The following LYST variants were observed in gnomAD, a reference collection of about 807,000 sequenced individuals.
The protein encoded by LYST is lysosomal trafficking regulator.
A neutral mutation model predicts 413.6 loss-of-function variants in LYST; 192 were observed. That is an observed-to-expected ratio of 0.46 (90% confidence interval 0.41 to 0.52). The LOEUF is 0.52. LYST is among the 20% of genes least tolerant of loss of function. LYST has a pLI of 0.00. For missense variants in LYST, 3,815 were observed against 4,499.9 expected (o/e 0.85, Z 4.35); for synonymous variants, 1,525 against 1,567.3 (o/e 0.97, Z 0.64).
rs140278034 is a variant in LYST, at chr1:235,774,426, A to G, written c.5635-435T>C. On this transcript the variant is annotated intron_variant, in intron 18 of 52. Coordinates refer to ENST00000389793, the MANE Select transcript of LYST (RefSeq NM_000081.4). The stretch of plus-strand genomic sequence containing the variant: ...CAGAGAGAAATATTTCCACAATGTT[A>G]CCAAATGCTTTCATCTAGAAATGTA... 2.7e-3 allele frequency among the ~76,000 whole-genome samples: 418 copies of G among 152,332 alleles called. 5 individuals carry two copies. The highest frequency in any genetic ancestry group is 9.7e-3 in the African/African-American group (403 of 41,582).
chr1:235,791,613 G>C (rs1045515831), intron 12 of LYST, 86 bp downstream of exon 12: 2 of 1,109,742 alleles, frequency 1.8e-6, no homozygotes, highest in African/African-American at 3.1e-5. Flanking sequence ...AGAGTGTTAA[G>C]AACACTACCA....
chr1:235,702,528 T>C (rs1661627707), intron 45 of LYST, among the ~76,000 whole-genome samples: 1 of 152,196 alleles, frequency 6.6e-6, no homozygotes, highest in African/African-American at 2.4e-5. Flanking sequence ...TCTGAAACGA[T>C]GAATTCTTTT....
intron 28 of LYST, 126 bp from the exon 29 acceptor site, chr1:235,746,653 T>C (rs904791211): frequency 5.5e-6 from 4 of 721,980 alleles, no homozygotes; most frequent in Admixed American, 4.2e-5. Flanking sequence ...AGTCAATTTA[T>C]AGAAAGGAAA....
rs199729572 is a variant in LYST at position 235,663,967 on chromosome 1, G to C, written c.11267+17C>G. 3.8e-6 allele frequency: 6 copies of C among 1,572,312 alleles called. No homozygotes were observed. The South Asian group carries it at 4.4e-5, about 12-fold the overall frequency. On this transcript the variant is annotated intron_variant, in intron 52 of 52. Coordinates refer to ENST00000389793, the MANE Select transcript of LYST (RefSeq NM_000081.4). ...ACAAATTGTATTCTGAAGCATAAGAGGGGGAGAAGATCTTACCTGATGATG... is the reference window on the plus strand; with the variant it reads ...ACAAATTGTATTCTGAAGCATAAGACGGGGAGAAGATCTTACCTGATGATG...
chr1:235,753,655 A>G (rs1022892376), intron 25 of LYST, among the ~76,000 whole-genome samples: 23 of 152,192 alleles, frequency 1.5e-4, no homozygotes, highest in African/African-American at 5.5e-4. Context: ...TAGTAAAAAG[A>G]GGTCTAGCAA....
chr1:235,747,222 T>G, intron 28 of LYST: 1 of 451,174 alleles, frequency 2.2e-6, no homozygotes, highest in Non-Finnish European at 4.5e-6. Flanking sequence ...ACTGGGGGGA[T>G]GAGTCTTGAT....
At chr1:235,878,908 G>A (rs1681250748) in intron 1 of LYST, among the ~76,000 whole-genome samples, 1 of 152,134 alleles carries the variant, frequency 6.6e-6, no homozygotes, top group Non-Finnish European at 1.5e-5. Context: ...TACAGATTTA[G>A]GGGTGCAAGT....
chr1:235,723,432 G>A (rs1022081985), intron 39 of LYST, among the ~76,000 whole-genome samples: 6 of 152,142 alleles, frequency 3.9e-5, no homozygotes, highest in East Asian at 1.9e-4. Context: ...CCAAGGAGGC[G>A]TCTGCAACCA....
rs1435323102 is a variant in LYST, at chr1:235,693,362, T to C, written c.10689A>G (p.Ser3563=). Residue 3563 remains serine (S), a synonymous_variant, in exon 47 of 53, where the codon TCA becomes TCG. Transcript: ENST00000389793. ...SEPPVNFIQS[S]QQYQVTSCAW... ...ATAAAGTGTTTACCTGGTACTGTTG[T>C]GAACTTTGAATAAAGTTTACTGGAG... The C allele has an allele frequency of 6.2e-7, 1 of 1,609,284 alleles. No homozygotes were observed. The highest frequency in any genetic ancestry group is 2.2e-5 in the East Asian group (1 of 44,850).
chr1:235,822,565 C>T (rs945923793), intron 3 of LYST, among the ~76,000 whole-genome samples: 10 of 152,152 alleles, frequency 6.6e-5, no homozygotes, highest in Admixed American at 2.6e-4. Flanking sequence ...ATGAGATCAT[C>T]AATTCAACCC....
At chr1:235,872,773 G>A (rs1013833259) in intron 1 of LYST, among the ~76,000 whole-genome samples, 4 of 151,856 alleles carry the variant, frequency 2.6e-5, no homozygotes, top group East Asian at 1.9e-4. Flanking sequence ...AAAATTAGCC[G>A]GGTGTGGTGG....
At chr1:235,808,410 T>C (rs540315117) in intron 5 of LYST, 45 bp downstream of exon 5, 2 of 1,585,800 alleles carry the variant, frequency 1.3e-6, no homozygotes, top group South Asian at 2.3e-5. Flanking sequence ...GATCTAGACA[T>C]GCTCAACAAC....
chr1:235,708,033 G>A (rs933969954), intron 44 of LYST, among the ~76,000 whole-genome samples: 1 of 151,942 alleles, frequency 6.6e-6, no homozygotes, highest in African/African-American at 2.4e-5. Context: ...TTGGATTTTT[G>A]GATTAAGAAT....
intron 1 of LYST, chr1:235,839,513 G>A (rs1236941574): frequency 2.0e-5 from 3 of 152,176 alleles, no homozygotes; most frequent in Non-Finnish European, 4.4e-5. Context: ...ATCAGTTCAT[G>A]CTGGGCATGG....
At chr1:235,665,407 C>T (rs913597846) in intron 50 of LYST, among the ~76,000 whole-genome samples, 2 of 151,646 alleles carry the variant, frequency 1.3e-5, no homozygotes, top group South Asian at 2.1e-4. Flanking sequence ...GTCAGGAGTT[C>T]GAGACCAGCC....
chr1:235,800,729 T>TGTAG (rs1672121437), intron 9 of LYST, 142 bp downstream of exon 9: 5 of 647,312 alleles, frequency 7.7e-6, no homozygotes, highest in Non-Finnish European at 1.1e-5. Context: ...GAATACCACT[T>TGTAG]GTAGGTATTC....
intron 48 of LYST, among the ~76,000 whole-genome samples, chr1:235,680,192 T>G (rs1001005962): frequency 1.3e-5 from 2 of 152,204 alleles, no homozygotes; most frequent in African/African-American, 2.4e-5. Flanking sequence ...AGGATTATTC[T>G]GAACAACTTT....
At chr1:235,793,722 TA>T in intron 10 of LYST, 110 bp from the exon 11 acceptor site, 1 of 615,432 alleles carries the variant, frequency 1.6e-6, no homozygotes, top group Non-Finnish European at 2.9e-6. Flanking sequence ...GAATGGATTA[TA>T]AAAAATCTAG....
intron 44 of LYST, among the ~76,000 whole-genome samples, chr1:235,703,633 A>G (rs1250853761): frequency 1.3e-5 from 2 of 152,226 alleles, no homozygotes; most frequent in African/African-American, 2.4e-5. Flanking sequence ...AGTGGCTTTC[A>G]TTACATATCT....
Sources: allele counts gnomAD v4.1 joint callset (sites outside exome capture counted in the v4.1 genomes callset), GRCh38; gene constraint gnomAD v4.1.1; transcripts MANE v1.5; gene names NCBI Gene and HGNC (gene_info 2026-07-23, HGNC 2026-07-21).